Variants in TMEM196 observed in about 807,000 individuals in gnomAD.
The protein encoded by TMEM196 is transmembrane protein 196.
A neutral mutation model predicts 20.0 loss-of-function variants in TMEM196; 17 were observed. The ratio of observed to expected loss-of-function variants is 0.85; its 90% CI spans 0.58 to 1.27. TMEM196 has a LOEUF of 1.27. TMEM196 is among the 50% of genes most tolerant of loss of function. The probability of loss-of-function intolerance (pLI) is 0.00; values close to 1 mark genes in which losing one functional copy is unlikely to be tolerated. For synonymous variants in TMEM196, 113 were observed against 88.9 expected, an observed-to-expected ratio of 1.27 and a Z score of -1.52; for missense variants, 267 against 223.0, an observed-to-expected ratio of 1.20 and a Z score of -1.26.
rs1785969801 is a variant in TMEM196, at chr7:19,773,346, G to C, written c.-650C>G. ...CCAGAAAAAGCGACCTTGTCTGATG[G>C]CCTCTTTCCGTCTGGGTTTCTTCTC... is the stretch of plus-strand genomic sequence containing the variant. On this transcript the variant is annotated 5_prime_UTR_variant, in exon 1 of 5. Transcript: ENST00000405844. 6.5e-6 allele frequency: 1 copy of C among 154,390 alleles called. No homozygotes were observed. Among genetic ancestry groups the C allele is most frequent in the Non-Finnish European group, 1.5e-5 (1 of 68,436 alleles). 9.6% of individuals were successfully genotyped at this position (154,390 alleles called of 1,614,324 possible).
chr7:19,763,468 C>A (rs979800041), intron 1 of TMEM196, among the ~76,000 whole-genome samples: 1 of 152,114 alleles, frequency 6.6e-6, no homozygotes, highest in African/African-American at 2.4e-5. Context: ...AAAAATTATA[C>A]CTTGGTATTC....
At chr7:19,731,483 CA>C (rs1303077463) in intron 1 of TMEM196, among the ~76,000 whole-genome samples, 4 of 152,174 alleles carry the variant, frequency 2.6e-5, no homozygotes, top group Non-Finnish European at 5.9e-5. Flanking sequence ...TTCAGTGCTT[CA>C]AGCTTCAGAT....
At chr7:19,730,961 C>G (rs576953572) in intron 1 of TMEM196, among the ~76,000 whole-genome samples, 2 of 152,056 alleles carry the variant, frequency 1.3e-5, no homozygotes, top group South Asian at 4.2e-4. Context: ...CTAACATACA[C>G]CAAAATTAAT....
At chr7:19,765,346 A>G (rs947577437) in intron 1 of TMEM196, among the ~76,000 whole-genome samples, 3 of 152,130 alleles carry the variant, frequency 2.0e-5, no homozygotes, top group African/African-American at 7.2e-5. Flanking sequence ...GAGTTTTACT[A>G]TTGGTACTAA....
intron 1 of TMEM196, among the ~76,000 whole-genome samples, chr7:19,762,612 C>T (rs1303006132): frequency 1.3e-5 from 2 of 151,996 alleles, no homozygotes; most frequent in Non-Finnish European, 2.9e-5. Flanking sequence ...TCAAGTATGA[C>T]TAAAATGTAC....
intron 1 of TMEM196, among the ~76,000 whole-genome samples, chr7:19,740,809 A>T (rs76935468): frequency 0.035 from 5,398 of 152,200 alleles, 310 homozygotes; most frequent in African/African-American, 0.12. Flanking sequence ...GTATTTCAGG[A>T]ACAAACTCAA....
intron 1 of TMEM196, among the ~76,000 whole-genome samples, chr7:19,772,120 G>C (rs1583468829): frequency 6.6e-6 from 1 of 152,054 alleles, no homozygotes; most frequent in Non-Finnish European, 1.5e-5. Context: ...CTTGTTCCCT[G>C]ATACAAAAAA....
Position 19,725,494 on chromosome 7 carries a change from G to C in TMEM196, c.459+20C>G. 2.5e-6 allele frequency: 4 copies of C among 1,592,054 alleles called. No individual in the cohort carries two copies. The highest frequency in any genetic ancestry group is 3.4e-6 in the Non-Finnish European group (4 of 1,162,506). ...TCTTCATCATGTGCTAGCAGTGAGA[G>C]GAAAAGGTACAAAACTCACTTTCTC... On this transcript the variant is annotated intron_variant, in intron 3 of 4. Transcript: ENST00000405844.
At chr7:19,757,385 T>C (rs1695410398) in intron 1 of TMEM196, among the ~76,000 whole-genome samples, 1 of 147,112 alleles carries the variant, frequency 6.8e-6, no homozygotes, top group Non-Finnish European at 1.5e-5. Flanking sequence ...AGATGGGGTT[T>C]CACCAGTTGA....
At chr7:19,735,304 C>T (rs918217648) in intron 1 of TMEM196, among the ~76,000 whole-genome samples, 2 of 151,968 alleles carry the variant, frequency 1.3e-5, no homozygotes, top group South Asian at 2.1e-4. Flanking sequence ...GTAAATAATT[C>T]GAATAAAGTC....
chr7:19,745,150 A>G (rs1784706432), intron 1 of TMEM196, among the ~76,000 whole-genome samples: 1 of 152,190 alleles, frequency 6.6e-6, no homozygotes, highest in African/African-American at 2.4e-5. Flanking sequence ...CTTTTAATGC[A>G]AAGACAATAT....
At chr7:19,739,893 C>T (rs1784528816) in intron 1 of TMEM196, among the ~76,000 whole-genome samples, 1 of 152,120 alleles carries the variant, frequency 6.6e-6, no homozygotes, top group African/African-American at 2.4e-5. Flanking sequence ...TCATACAATG[C>T]TTATAGATAA....
At chr7:19,722,855 G>T (rs142696797) in intron 4 of TMEM196, among the ~76,000 whole-genome samples, 1 of 152,150 alleles carries the variant, frequency 6.6e-6, no homozygotes, top group African/African-American at 2.4e-5. Flanking sequence ...TAATTCATAT[G>T]TTTTGTTAAA....
rs1783786534 is a variant in TMEM196, at chr7:19,720,740, A to G, written c.*1388T>C. 6.6e-6 allele frequency: 1 copy of G among 151,916 alleles called. No homozygotes were observed. The highest frequency in any genetic ancestry group is 6.6e-5 in the Admixed American group (1 of 15,242). 9.4% of individuals were successfully genotyped at this position (151,916 alleles called of 1,614,324 possible). A position where few individuals can be genotyped will look rare whatever the true frequency, so the allele number is the denominator to read the frequency against. ...AGCCTATCTTTTCACTTTTTCCTCA[A>G]AGAATTCTTTCAGGATCTTTGGATA... On this transcript the variant is annotated 3_prime_UTR_variant, in exon 5 of 5. Coordinates refer to ENST00000405844, the MANE Select transcript of TMEM196 (RefSeq NM_001363562.2).
At position 19,725,615 on chromosome 7, in the gene TMEM196, G is replaced by T. The variant is rs369609705; in HGVS notation, c.358C>A (p.Leu120Ile). The T allele has an allele frequency of 6.8e-6, 11 of 1,614,036 alleles. No individual in the cohort carries two copies. In the African/African-American group the frequency reaches 1.5e-4, roughly 22 times the overall value. Residue 120 changes from leucine to isoleucine, a missense_variant, in exon 3 of 5, where the codon CTC (leucine) becomes ATC (isoleucine). By Grantham distance (5) the Leu-to-Ile change is conservative. Coordinates refer to ENST00000405844, the MANE Select transcript of TMEM196 (RefSeq NM_001363562.2). ...LACIGIGGCT[L>I]SSWLTCRLAS... The stretch of plus-strand genomic sequence containing the variant: ...AGTCGACAAGTGAGCCAGGAAGAGA[G>T]AGTGCAGCCCCCGATCCCAATGCAC...
chr7:19,745,607 A>G (rs1227987851), intron 1 of TMEM196, among the ~76,000 whole-genome samples: 2 of 151,600 alleles, frequency 1.3e-5, no homozygotes, highest in South Asian at 2.1e-4. Flanking sequence ...CACAGCTAAA[A>G]TAAGTTAATA....
chr7:19,742,189 G>A (rs761084799), intron 1 of TMEM196, among the ~76,000 whole-genome samples: 4 of 151,944 alleles, frequency 2.6e-5, no homozygotes, highest in African/African-American at 4.8e-5. Context: ...TTTTAAATAG[G>A]GTCAATTTCT....
chr7:19,772,903 C>A lies in TMEM196; in HGVS notation c.-207G>T, dbSNP rs138787914. ...CAGAGGCAAAGGAGCTGCTCCACCC[C>A]CTGGCACGTTCAGATAGGGATCGTA... On this transcript the variant is annotated 5_prime_UTR_variant, in exon 1 of 5. Coordinates refer to ENST00000405844, the MANE Select transcript of TMEM196 (RefSeq NM_001363562.2). 1 of 418,282 alleles carries A rather than the reference C, an allele frequency of 2.4e-6. No individual in the cohort carries two copies. Among genetic ancestry groups the A allele is most frequent in the Admixed American group, 4.4e-5 (1 of 22,914 alleles). The allele number at this position is 418,282 out of a possible 1,614,324, so 25.9% of individuals were successfully genotyped here.
At chr7:19,738,458 C>T (rs1025106181) in intron 1 of TMEM196, among the ~76,000 whole-genome samples, 2 of 151,958 alleles carry the variant, frequency 1.3e-5, no homozygotes, top group Non-Finnish European at 2.9e-5. Flanking sequence ...ACTGACAAGT[C>T]GCAGGAGGAG....
Sources: gnomAD v4.1 joint callset for allele counts (sites outside exome capture counted in the v4.1 genomes callset) on GRCh38, gnomAD v4.1.1 for gene constraint, MANE v1.5 for transcripts, NCBI Gene and HGNC (gene_info 2026-07-23, HGNC 2026-07-21) for gene names.